PDZD2: variants seen among roughly 807,000 people sequenced by gnomAD.
The protein encoded by PDZD2 is PDZ domain-containing protein 2.
Under a neutral mutation model 220.7 loss-of-function variants are expected in PDZD2, and 90 were observed. The ratio of observed to expected loss-of-function variants is 0.41; its 90% CI spans 0.34 to 0.49. The LOEUF is 0.49. Ranked by LOEUF, PDZD2 falls within the 20% of genes least tolerant of loss-of-function variation. The probability of loss-of-function intolerance (pLI) is 0.28; values close to 1 mark genes in which losing one functional copy is unlikely to be tolerated. For missense variants in PDZD2, 3,174 were observed against 3,608.5 expected (o/e 0.88, Z 3.08); for synonymous variants, 1,375 against 1,450.5 (o/e 0.95, Z 1.18).
intron 1 of PDZD2, among the ~76,000 whole-genome samples, chr5:31,710,186 C>T (rs1197774888): frequency 1.3e-5 from 2 of 152,098 alleles, no homozygotes; most frequent in Non-Finnish European, 2.9e-5. Context: ...TTGAAAAATG[C>T]ATGTAAAGAG....
intron 1 of PDZD2, among the ~76,000 whole-genome samples, chr5:31,648,846 A>G (rs929189193): frequency 6.6e-6 from 1 of 152,016 alleles, no homozygotes; most frequent in Non-Finnish European, 1.5e-5. Flanking sequence ...GAACATCGTT[A>G]TCCCTCGAGT....
chr5:31,914,904 T>C (rs1419936045), intron 2 of PDZD2, among the ~76,000 whole-genome samples: 2 of 152,090 alleles, frequency 1.3e-5, no homozygotes, highest in African/African-American at 2.4e-5. Context: ...GGAGGTAGCA[T>C]GAAATATTTA....
At chr5:31,943,074 G>C (rs1340963346) in intron 2 of PDZD2, among the ~76,000 whole-genome samples, 1 of 152,062 alleles carries the variant, frequency 6.6e-6, no homozygotes, top group African/African-American at 2.4e-5. Context: ...GTGGTGGCAC[G>C]TGCCTGTAAT....
intron 1 of PDZD2, among the ~76,000 whole-genome samples, chr5:31,790,577 G>A (rs1753644805): frequency 1.3e-5 from 2 of 151,746 alleles, no homozygotes; most frequent in Admixed American, 6.6e-5. Flanking sequence ...ATCCCAGGCT[G>A]TTGTGGACCA....
chr5:31,808,398 C>T (rs1754866634), intron 2 of PDZD2, among the ~76,000 whole-genome samples: 1 of 152,044 alleles, frequency 6.6e-6, no homozygotes, highest in South Asian at 2.1e-4. Flanking sequence ...GTGGAACAGC[C>T]CATTCCCCAA....
rs10068418 is a variant in PDZD2, at chr5:31,740,800, T to C, written c.-360-58089T>C. On this transcript the variant is annotated intron_variant, in intron 1 of 24. Coordinates refer to ENST00000438447, the MANE Select transcript of PDZD2 (RefSeq NM_178140.4). ...ACCACTGCAGGCTTCATCTTCAGCA[T>C]TGTTTCATCCCTTCTTAAAAATGAG... 6.7e-3 allele frequency among the ~76,000 whole-genome samples: 1,015 copies of C among 152,282 alleles called. 11 individuals carry two copies. The highest frequency in any genetic ancestry group is 0.022 in the African/African-American group (921 of 41,570).
intron 1 of PDZD2, among the ~76,000 whole-genome samples, chr5:31,748,231 G>A (rs1432756135): frequency 6.8e-6 from 1 of 148,042 alleles, no homozygotes; most frequent in South Asian, 2.2e-4. Context: ...GACCTACCAC[G>A]ACATATTCAT....
chr5:31,680,160 G>C (rs1442648176), intron 1 of PDZD2, among the ~76,000 whole-genome samples: 1 of 152,156 alleles, frequency 6.6e-6, no homozygotes, highest in Non-Finnish European at 1.5e-5. Flanking sequence ...GATGGAGTAG[G>C]TGTCACCAGA....
chr5:31,948,782 G>C (rs1746893476), intron 2 of PDZD2, among the ~76,000 whole-genome samples: 1 of 152,116 alleles, frequency 6.6e-6, no homozygotes, highest in Non-Finnish European at 1.5e-5. Flanking sequence ...GGGTGGAGTA[G>C]GTGAGAGAAC....
intron 1 of PDZD2, among the ~76,000 whole-genome samples, chr5:31,641,757 G>A (rs1200627079): frequency 4.6e-5 from 7 of 152,070 alleles, no homozygotes; most frequent in African/African-American, 1.7e-4. Context: ...CCAACGTGCT[G>A]GAATTAGAGG....
chr5:32,028,005 A>G (rs897012748), intron 6 of PDZD2, among the ~76,000 whole-genome samples: 1 of 151,996 alleles, frequency 6.6e-6, no homozygotes, highest in Non-Finnish European at 1.5e-5. Context: ...CTTCCTGGGG[A>G]TTTGGAGCTT....
chr5:31,943,029 C>A (rs1420575450), intron 2 of PDZD2, among the ~76,000 whole-genome samples: 1 of 152,092 alleles, frequency 6.6e-6, no homozygotes, highest in African/African-American at 2.4e-5. Flanking sequence ...ATGGTGAAAT[C>A]CCGTCTCTAC....
At chr5:31,739,364 G>A (rs1436491897) in intron 1 of PDZD2, among the ~76,000 whole-genome samples, 2 of 151,430 alleles carry the variant, frequency 1.3e-5, no homozygotes, top group Non-Finnish European at 2.9e-5. Context: ...ATCATTTATG[G>A]TAGCAAAAAA....
intron 1 of PDZD2, among the ~76,000 whole-genome samples, chr5:31,785,261 G>T (rs550005838): frequency 6.6e-6 from 1 of 151,868 alleles, no homozygotes; most frequent in South Asian, 2.1e-4. Context: ...TCATGTTTCC[G>T]AGCCTTAGAA....
At chr5:31,912,604 C>T (rs566527470) in intron 2 of PDZD2, among the ~76,000 whole-genome samples, 69 of 152,172 alleles carry the variant, frequency 4.5e-4, no homozygotes, top group Non-Finnish European at 8.8e-4. Flanking sequence ...GCAATTGACA[C>T]GCTAGAGAAG....
At chr5:31,677,320 A>G (rs990771746) in intron 1 of PDZD2, among the ~76,000 whole-genome samples, 2 of 128,542 alleles carry the variant, frequency 1.6e-5, no homozygotes, top group African/African-American at 2.9e-5. Context: ...ATTTGTTTAA[A>G]AAGGAGGTAT....
intron 1 of PDZD2, among the ~76,000 whole-genome samples, chr5:31,793,093 C>T (rs1270593856): frequency 1.3e-5 from 2 of 151,406 alleles, no homozygotes; most frequent in South Asian, 2.1e-4. Flanking sequence ...CCACCTTGGC[C>T]TCCCAAAGTG....
intron 1 of PDZD2, among the ~76,000 whole-genome samples, chr5:31,683,605 G>C (rs183390826): frequency 6.6e-6 from 1 of 152,156 alleles, no homozygotes; most frequent in Non-Finnish European, 1.5e-5. Context: ...TTCACATAAC[G>C]TGCCTGGGAG....
intron 2 of PDZD2, chr5:31,822,927 A>G (rs1427060741): frequency 1.1e-6 from 1 of 948,768 alleles, no homozygotes; most frequent in East Asian, 3.6e-5. Flanking sequence ...AAATAGTCTG[A>G]ACGGTGGCCA....
Sources: gnomAD v4.1 joint callset for allele counts (sites outside exome capture counted in the v4.1 genomes callset) on GRCh38, gnomAD v4.1.1 for gene constraint, MANE v1.5 for transcripts, NCBI Gene and HGNC (gene_info 2026-07-23, HGNC 2026-07-21) for gene names.